The following ZNF529 variants were observed in gnomAD, a reference collection of about 807,000 sequenced individuals.
ZNF529 encodes zinc finger protein 529.
A neutral mutation model predicts 10.1 loss-of-function variants in ZNF529; 11 were observed. The ratio of observed to expected loss-of-function variants is 1.09; its 90% CI spans 0.69 to 1.81. The LOEUF (loss-of-function observed/expected upper bound fraction) is 1.81, where lower values mean the gene tolerates loss of function less well. ZNF529 is among the 40% of genes most tolerant of loss of function. ZNF529 has a pLI of 0.00. For synonymous variants in ZNF529, 204 were observed against 215.7 expected (o/e 0.95, Z 0.47); for missense variants, 624 against 666.8 (o/e 0.94, Z 0.71).
chr19:36,558,747 C>T (rs1442359920), intron 2 of ZNF529, among the ~76,000 whole-genome samples: 1 of 151,844 alleles, frequency 6.6e-6, no homozygotes, highest in African/African-American at 2.4e-5. Context: ...AATATAACAC[C>T]AAAAGCACCG....
At chr19:36,560,833 C>T (rs149753133) in intron 2 of ZNF529, among the ~76,000 whole-genome samples, 283 of 152,268 alleles carry the variant, frequency 1.9e-3, no homozygotes, top group Non-Finnish European at 3.2e-3. Context: ...GGGTGCTGCT[C>T]GGCTTCTCTT....
intron 2 of ZNF529, chr19:36,582,590 C>G (rs1231900451): frequency 6.6e-6 from 1 of 151,802 alleles, no homozygotes; most frequent in Non-Finnish European, 1.5e-5. Flanking sequence ...CGCCTGTAGT[C>G]CCAGCTACTC....
At chr19:36,556,331 C>A (rs986790157) in intron 2 of ZNF529, 134 bp from the exon 3 acceptor site, 1 of 618,540 alleles carries the variant, frequency 1.6e-6, no homozygotes, top group Non-Finnish European at 2.9e-6. Context: ...AGAGTCTAGA[C>A]TCCGTGAACC....
chr19:36,547,829 A>C lies in ZNF529; in HGVS notation c.729T>G (p.Asn243Lys). 6.2e-7 allele frequency: 1 copy of C among 1,610,800 alleles called. No individual in the cohort carries two copies. The highest frequency in any genetic ancestry group is 1.1e-5 in the South Asian group (1 of 90,644). ...GNTCSFYKDFNVYQKIHNEKF... is the reference protein window; with the variant it reads ...GNTCSFYKDFKVYQKIHNEKF... Reference sequence around the variant, plus strand: ...TCTCATTATGAATTTTCTGGTATACATTAAAGTCTTTATAAAAACTACATG... The same window carrying C: ...TCTCATTATGAATTTTCTGGTATACCTTAAAGTCTTTATAAAAACTACATG... The change falls in exon 5 of 5, where the codon AAT becomes AAG. Residue 243 changes from asparagine (N) to lysine (K), a missense_variant. Asn to Lys is a moderately conservative substitution (Grantham distance 94). Transcript: ENST00000591340.
chr19:36,561,372 C>A (rs1000997031), intron 2 of ZNF529, among the ~76,000 whole-genome samples: 2 of 150,738 alleles, frequency 1.3e-5, no homozygotes, highest in Non-Finnish European at 3.0e-5. Flanking sequence ...TGGCATCCTT[C>A]AAAGAGATTT....
chr19:36,556,256 G>T, intron 2 of ZNF529, 59 bp from the exon 3 acceptor site: 1 of 727,954 alleles, frequency 1.4e-6, no homozygotes, highest in South Asian at 1.5e-5. Context: ...AATGGTGCTA[G>T]GAATGTACAG....
intron 2 of ZNF529, among the ~76,000 whole-genome samples, chr19:36,560,257 CAAAAAAAAAAAAA>C (rs58196878): frequency 9.6e-6 from 1 of 104,382 alleles, no homozygotes; most frequent in Non-Finnish European, 1.9e-5. Context: ...AACTCCGTCT[CAAAAAAAAAAAAA>C]AAAAAAAAAA....
chr19:36,572,528 C>T, intron 1 of ZNF529, 136 bp from the exon 2 acceptor site: 1 of 659,216 alleles, frequency 1.5e-6, no homozygotes, highest in South Asian at 2.0e-5. Context: ...ATACTGTCGA[C>T]TCCTCCCCAC....
At chr19:36,567,602 T>C (rs939770426) in intron 2 of ZNF529, among the ~76,000 whole-genome samples, 2 of 152,066 alleles carry the variant, frequency 1.3e-5, no homozygotes, top group African/African-American at 4.8e-5. Context: ...CCACCATGCC[T>C]GGCTAATTTT....
intron 2 of ZNF529, chr19:36,580,908 T>G (rs1392981963): frequency 1.3e-5 from 2 of 152,202 alleles, no homozygotes; most frequent in African/African-American, 4.8e-5. Flanking sequence ...TAGAGATGGT[T>G]TAAAATATAC....
At chr19:36,557,777 G>C (rs1328362773) in intron 2 of ZNF529, among the ~76,000 whole-genome samples, 2 of 152,164 alleles carry the variant, frequency 1.3e-5, no homozygotes, top group Admixed American at 1.3e-4. Flanking sequence ...CCACAAACAA[G>C]AGACAGGCAA....
chr19:36,547,157 T>A lies in ZNF529; in HGVS notation c.1401A>T (p.Gln467His), dbSNP rs920106920. 2.5e-6 allele frequency: 4 copies of A among 1,613,296 alleles called. No individual in the cohort carries two copies. The South Asian group carries it at 3.3e-5, about 13-fold the overall frequency. ...KFFRLTSALI[Q>H]HQRIHSGEKP... ...TCTCACCACTATGAATTCTTTGATG[T>A]TGAATAAGGGCTGACGTAAGTCTAA... is the stretch of plus-strand genomic sequence containing the variant. Residue 467 changes from glutamine to histidine, a missense_variant, in exon 5 of 5, where the codon CAA (glutamine) becomes CAT (histidine). Physicochemically the swap from Gln to His is conservative, Grantham distance 24. Coordinates refer to ENST00000591340, the MANE Select transcript of ZNF529 (RefSeq NM_020951.5).
intron 2 of ZNF529, chr19:36,581,579 G>A (rs1001666757): frequency 5.3e-5 from 8 of 152,178 alleles, no homozygotes; most frequent in Admixed American, 1.3e-4. Context: ...TGGAGGTGGC[G>A]CCTAGTGGGA....
chr19:36,556,917 A>T (rs2035497073), intron 2 of ZNF529, among the ~76,000 whole-genome samples: 2 of 152,136 alleles, frequency 1.3e-5, no homozygotes, highest in Admixed American at 1.3e-4. Flanking sequence ...AAAAACTGAA[A>T]ATTTTGGTGA....
chr19:36,556,160 C>A lies in ZNF529; in HGVS notation c.52G>T (p.Val18Phe). The A allele has an allele frequency of 1.4e-6, 2 of 1,448,098 alleles. No individual in the cohort carries two copies. The highest frequency in any genetic ancestry group is 4.9e-5 in the East Asian group (2 of 40,412). The allele number at this position is 1,448,098 out of a possible 1,614,324, so 89.7% of individuals were successfully genotyped here. A position where few individuals can be genotyped will look rare whatever the true frequency, so the allele number is the denominator to read the frequency against. ...GDHVHGAPHA[V>F]MPEVEFPDQF... Reference sequence around the variant, plus strand: ...TCAGGGAATTCCACTTCTGGCATGACAGCATGAGGAGCTCCATGGACATGA... The same window carrying A: ...TCAGGGAATTCCACTTCTGGCATGAAAGCATGAGGAGCTCCATGGACATGA... The change falls in exon 3 of 5, where the codon GTC becomes TTC. Residue 18 changes from valine (V) to phenylalanine (F), a missense_variant. Val to Phe is a conservative substitution (Grantham distance 50). Coordinates refer to ENST00000591340, the MANE Select transcript of ZNF529 (RefSeq NM_020951.5).
chr19:36,590,632 A>G (rs539504866), intron 1 of ZNF529, among the ~76,000 whole-genome samples: 55 of 152,256 alleles, frequency 3.6e-4, no homozygotes, highest in African/African-American at 1.3e-3. Context: ...AAAATCAACA[A>G]AATTGATAAA....
rs542162947 is a variant in ZNF529, at chr19:36,572,195, A to G, written c.14+138T>C. ...GAGAATTGAATGATTTACCTAATGC[A>G]TATGTGAATATTCAATGAAAGGGAA... On this transcript the variant is annotated intron_variant, in intron 2 of 4. Transcript: ENST00000591340. 142 of 839,894 alleles carry G rather than the reference A, an allele frequency of 1.7e-4. 1 individual carries two copies. Among genetic ancestry groups the G allele is most frequent in the Middle Eastern group, 1.1e-3 (5 of 4,492 alleles). The allele number at this position is 839,894 out of a possible 1,614,324, so 52.0% of individuals were successfully genotyped here.
At chr19:36,603,937 T>G (rs898392299) in intron 1 of ZNF529, among the ~76,000 whole-genome samples, 1 of 152,138 alleles carries the variant, frequency 6.6e-6, no homozygotes. Flanking sequence ...CCCAGCACTT[T>G]GGGAAGCCGA....
At chr19:36,559,410 G>T (rs2035597249) in intron 2 of ZNF529, among the ~76,000 whole-genome samples, 1 of 152,218 alleles carries the variant, frequency 6.6e-6, no homozygotes, top group African/African-American at 2.4e-5. Context: ...CCGGGTTCAA[G>T]CAATTCTCCT....
Sources: allele counts gnomAD v4.1 joint callset (sites outside exome capture counted in the v4.1 genomes callset), GRCh38; gene constraint gnomAD v4.1.1; transcripts MANE v1.5; gene names NCBI Gene and HGNC (gene_info 2026-07-23, HGNC 2026-07-21).